SHISA9: variants seen among roughly 807,000 people sequenced by gnomAD.
The protein encoded by SHISA9 is shisa family member 9.
SHISA9 carries 13 observed loss-of-function variants against 38.0 expected under a neutral mutation model. The observed-to-expected ratio is 0.34, with a 90% CI of 0.22 to 0.54. The LOEUF (loss-of-function observed/expected upper bound fraction) is 0.54, where lower values mean the gene tolerates loss of function less well. SHISA9 is among the 20% of genes least tolerant of loss of function. The pLI, the probability that SHISA9 is intolerant of heterozygous loss-of-function variation, is 0.91. For synonymous variants in SHISA9, 275 were observed against 242.0 expected, an observed-to-expected ratio of 1.14 and a Z score of -1.27; for missense variants, 538 against 575.8, an observed-to-expected ratio of 0.93 and a Z score of 0.67.
At chr16:13,295,700 T>A in the SHISA9 span, among the ~76,000 whole-genome samples, 2 of 152,110 alleles carry the variant, frequency 1.3e-5, no homozygotes, top group African/African-American at 4.8e-5. Flanking sequence ...GATTTAATAA[T>A]GTTGTGGAAA....
intron 2 of SHISA9, among the ~76,000 whole-genome samples, chr16:13,032,509 C>T (rs2073003915): frequency 6.6e-6 from 1 of 152,046 alleles, no homozygotes; most frequent in Non-Finnish European, 1.5e-5. Flanking sequence ...ATGGTGTGCC[C>T]CTAACCTCAT....
chr16:13,297,569 G>T, the SHISA9 span, among the ~76,000 whole-genome samples: 1 of 152,128 alleles, frequency 6.6e-6, no homozygotes, highest in East Asian at 1.9e-4. Context: ...TAGGAGAAGG[G>T]ATTCCCAGCA....
chr16:13,527,685 C>T, the SHISA9 span, among the ~76,000 whole-genome samples: 1 of 152,028 alleles, frequency 6.6e-6, no homozygotes, highest in Non-Finnish European at 1.5e-5. Flanking sequence ...CCTAGTTATC[C>T]CTGTTTGCCC....
At chr16:13,233,238 G>C (rs909851147) in intron 4 of SHISA9, among the ~76,000 whole-genome samples, 13 of 151,688 alleles carry the variant, frequency 8.6e-5, no homozygotes, top group African/African-American at 3.2e-4. Flanking sequence ...TCAGAGCTTA[G>C]TCCTCAAAAG....
chr16:13,519,545 G>C, the SHISA9 span, among the ~76,000 whole-genome samples: 15 of 152,246 alleles, frequency 9.9e-5, no homozygotes, highest in African/African-American at 3.6e-4. Flanking sequence ...TACAGCTATA[G>C]CTATCTTTGT....
chr16:13,096,449 G>A (rs1288776640), intron 2 of SHISA9, among the ~76,000 whole-genome samples: 1 of 152,128 alleles, frequency 6.6e-6, no homozygotes, highest in East Asian at 1.9e-4. Context: ...GCTCTTGTGG[G>A]GCACAGAGGG....
intron 1 of SHISA9, chr16:12,910,827 C>G (rs150441457): frequency 1.3e-6 from 1 of 744,696 alleles, no homozygotes; most frequent in East Asian, 1.3e-4. Context: ...TGTACTTGTA[C>G]AAGTCTGAAG....
chr16:13,341,033 G>C, the SHISA9 span, among the ~76,000 whole-genome samples: 6 of 152,214 alleles, frequency 3.9e-5, no homozygotes, highest in Non-Finnish European at 5.9e-5. Flanking sequence ...TTATACATTT[G>C]TATGTATGAT....
chr16:12,902,093 G>A lies in SHISA9; in HGVS notation c.29G>A (p.Gly10Asp). 1 of 1,495,460 alleles carries A rather than the reference G, an allele frequency of 6.7e-7. No individual in the cohort carries two copies. The highest frequency in any genetic ancestry group is 8.8e-7 in the Non-Finnish European group (1 of 1,131,158). The allele number at this position is 1,495,460 out of a possible 1,614,324, so 92.6% of individuals were successfully genotyped here. A position where few individuals can be genotyped will look rare whatever the true frequency, so the allele number is the denominator to read the frequency against. MRRVLRLLL[G>D]CFLTELCARV... is the part of the protein sequence containing the mutation. ...CGCCGCGTCCTTCGGCTGCTCCTCG[G>A]TTGCTTCCTCACCGAGCTGTGCGCC... Residue 10 changes from glycine to aspartate, a missense_variant, in exon 1 of 5, where the codon GGT becomes GAT. By Grantham distance (94) the Gly-to-Asp change is moderately conservative. Around this residue, in one of 4 missense-constraint regions of SHISA9, gnomAD observed 107 missense variants for 103.0 expected, o/e 1.04. Coordinates refer to ENST00000558583, the MANE Select transcript of SHISA9 (RefSeq NM_001145204.3).
chr16:12,991,670 A>T (rs1441939833), intron 2 of SHISA9, among the ~76,000 whole-genome samples: 1 of 152,204 alleles, frequency 6.6e-6, no homozygotes, highest in Non-Finnish European at 1.5e-5. Context: ...GGGTTGGAAG[A>T]GAGGAAGATG....
the SHISA9 span, among the ~76,000 whole-genome samples, chr16:13,411,267 G>A: frequency 2.0e-5 from 3 of 152,190 alleles, no homozygotes; most frequent in East Asian, 1.9e-4. Flanking sequence ...AATGGCAGTT[G>A]AGCATGATGA....
At chr16:13,334,149 C>G in the SHISA9 span, among the ~76,000 whole-genome samples, 9 of 152,208 alleles carry the variant, frequency 5.9e-5, no homozygotes, top group African/African-American at 2.2e-4. Flanking sequence ...GATCCCTTTT[C>G]TCTCCTCATT....
the SHISA9 span, among the ~76,000 whole-genome samples, chr16:13,424,316 C>T: frequency 7.3e-4 from 111 of 152,360 alleles, 1 homozygote; most frequent in African/African-American, 2.4e-3. Flanking sequence ...AATGTAATGA[C>T]CTTGTGGCCA....
the SHISA9 span, among the ~76,000 whole-genome samples, chr16:13,310,684 CTTTT>C: frequency 1.6e-5 from 2 of 125,596 alleles, no homozygotes; most frequent in Admixed American, 8.3e-5. Context: ...GATTTTTATG[CTTTT>C]TTTTTTTTTT....
intron 2 of SHISA9, among the ~76,000 whole-genome samples, chr16:13,170,336 T>C (rs756398860): frequency 6.6e-6 from 1 of 152,082 alleles, no homozygotes; most frequent in Non-Finnish European, 1.5e-5. Flanking sequence ...CAATGGTGAA[T>C]GGAGTAGACA....
the SHISA9 span, among the ~76,000 whole-genome samples, chr16:13,251,913 G>A: frequency 6.6e-6 from 1 of 152,150 alleles, no homozygotes; most frequent in Non-Finnish European, 1.5e-5. Context: ...AACAGGAAAT[G>A]TAACCTGTCC....
chr16:12,913,452 C>G (rs779308877), intron 1 of SHISA9, among the ~76,000 whole-genome samples: 3 of 152,182 alleles, frequency 2.0e-5, no homozygotes, highest in Non-Finnish European at 4.4e-5. Flanking sequence ...CCGTCTTGGC[C>G]TCCCAAAGTG....
At chr16:13,071,605 T>C (rs276615) in intron 2 of SHISA9, among the ~76,000 whole-genome samples, 17,895 of 141,756 alleles carry the variant, frequency 0.13, 3,198 homozygotes, top group African/African-American at 0.41. Context: ...TCCTTCCCTT[T>C]CTTCCCTTCC....
At chr16:13,198,657 T>C (rs1159312478) in intron 2 of SHISA9, among the ~76,000 whole-genome samples, 5 of 152,244 alleles carry the variant, frequency 3.3e-5, no homozygotes, top group Non-Finnish European at 7.3e-5. Context: ...AGGTCTGGTC[T>C]CTATCTTCCT....
Sources: gnomAD v4.1 joint callset for allele counts (sites outside exome capture counted in the v4.1 genomes callset) on GRCh38, gnomAD v4.1.1 for gene constraint, gnomAD v4.1.1 regional missense constraint, MANE v1.5 for transcripts, NCBI Gene and HGNC (gene_info 2026-07-23, HGNC 2026-07-21) for gene names.